The following SLC12A1 variants were observed in gnomAD, a reference collection of about 807,000 sequenced individuals.
The protein encoded by SLC12A1 is Na-K-2Cl cotransporter.
In SLC12A1, 89 loss-of-function variants were observed where a neutral mutation model predicts 130.4. The ratio of observed to expected loss-of-function variants is 0.68; its 90% confidence interval spans 0.58 to 0.81. SLC12A1 has a LOEUF of 0.81. Ranked by LOEUF, SLC12A1 falls within the 40% of genes least tolerant of loss-of-function variation. SLC12A1 has a pLI of 0.00. For synonymous variants in SLC12A1, 499 were observed against 460.0 expected, an observed-to-expected ratio of 1.08 and a Z score of -1.09; for missense variants, 1,310 against 1,336.4, an observed-to-expected ratio of 0.98 and a Z score of 0.31.
chr15:48,264,807 C>A (rs1161291981), intron 17 of SLC12A1, among the ~76,000 whole-genome samples: 1 of 152,072 alleles, frequency 6.6e-6, no homozygotes, highest in Non-Finnish European at 1.5e-5. Flanking sequence ...GGGTTGGAAC[C>A]CCTTTACAAA....
rs67628277 is a variant in SLC12A1 at position 48,266,445 on chromosome 15, C to CTT, written c.2155-1103_2155-1102dup. ...GTTTTGTCTGACCGCAAAGCCTGGG[C>CTT]TTTTTTTTTTTTTTCATGCATCCCA... On this transcript the variant is annotated intron_variant, in intron 17 of 26. Transcript: ENST00000380993. Among the ~76,000 whole-genome samples, 1,117 of 144,388 alleles carry CTT rather than the reference C, an allele frequency of 7.7e-3. 6 individuals carry two copies. The highest frequency in any genetic ancestry group is 0.01 in the Non-Finnish European group (663 of 66,280). The allele number at this position is 144,388 out of a possible 152,430, so 94.7% of individuals were successfully genotyped here.
In SLC12A1 at chr15:48,246,892, G is replaced by T; in HGVS notation, c.1453-17G>T. On this transcript the variant is annotated splice_polypyrimidine_tract_variant and intron_variant, in intron 11 of 26. Coordinates refer to ENST00000380993, the MANE Select transcript of SLC12A1 (RefSeq NM_000338.3). Reference sequence around the variant, plus strand: ...CAAATCACAGAAAGTCTCCTTACTTGTACCTCTCTTCTCAAGGTCATGAGC... The same window carrying T: ...CAAATCACAGAAAGTCTCCTTACTTTTACCTCTCTTCTCAAGGTCATGAGC... The T allele has an allele frequency of 2.5e-6, 4 of 1,575,964 alleles. No individual in the cohort carries two copies. Among genetic ancestry groups the T allele is most frequent in the Non-Finnish European group, 3.5e-6 (4 of 1,145,196 alleles).
intron 15 of SLC12A1, among the ~76,000 whole-genome samples, chr15:48,255,436 C>CAAA (rs373793834): frequency 1.2e-4 from 11 of 89,320 alleles, no homozygotes; most frequent in African/African-American, 2.3e-4. Flanking sequence ...AACTCCATCT[C>CAAA]AAAAAAAAAA....
chr15:48,297,230 G>A (rs541038318), intron 24 of SLC12A1, among the ~76,000 whole-genome samples: 7 of 152,210 alleles, frequency 4.6e-5, no homozygotes, highest in South Asian at 2.1e-4. Flanking sequence ...TGTATGTTCC[G>A]TAGGAGAGAA....
Position 48,267,718 on chromosome 15 carries a change from G to C in SLC12A1, c.2295+17G>C. ...CTTCTTCAGGTAAGGCTGCATTGAG[G>C]GAATGAGCACAGAGGCAAAAGACAA... On this transcript the variant is annotated intron_variant, in intron 18 of 26. Transcript: ENST00000380993. The C allele has an allele frequency of 1.2e-6, 2 of 1,612,526 alleles. No individual in the cohort carries two copies. The highest frequency in any genetic ancestry group is 1.7e-6 in the Non-Finnish European group (2 of 1,178,952).
intron 23 of SLC12A1, among the ~76,000 whole-genome samples, chr15:48,289,740 A>G (rs1173940626): frequency 1.3e-5 from 2 of 152,126 alleles, no homozygotes; most frequent in East Asian, 1.9e-4. Context: ...AATACAGCAT[A>G]AAAGGTAAAA....
chr15:48,296,948 CCT>C (rs1301141338), intron 24 of SLC12A1, among the ~76,000 whole-genome samples: 2 of 152,100 alleles, frequency 1.3e-5, no homozygotes, highest in Non-Finnish European at 2.9e-5. Flanking sequence ...GTTATCACCC[CCT>C]GTGTCACTTA....
chr15:48,259,245 T>C lies in SLC12A1; in HGVS notation c.2088T>C (p.Ala696=). 2 of 1,613,836 alleles carry C rather than the reference T, an allele frequency of 1.2e-6. No homozygotes were observed. Among genetic ancestry groups the C allele is most frequent in the East Asian group, 2.2e-5 (1 of 44,870 alleles). ...CAGGGGGACCCATGACAAGACCTGC[T>C]CTCCTGGACATAACTCACGCCTTTA... The part of the protein sequence containing the change: ...VLTGGPMTRP[A]LLDITHAFTK... The change falls in exon 17 of 27, where the codon GCT becomes GCC. Residue 696 remains alanine, a synonymous_variant. Coordinates refer to ENST00000380993, the MANE Select transcript of SLC12A1 (RefSeq NM_000338.3).
chr15:48,259,364 AT>A (rs1194925455), intron 17 of SLC12A1, 53 bp downstream of exon 17: 1 of 1,219,548 alleles, frequency 8.2e-7, no homozygotes, highest in African/African-American at 1.5e-5. Flanking sequence ...CTTATCTTGG[AT>A]TATTTTGGGT....
Position 48,224,987 on chromosome 15 carries a change from T to C in SLC12A1, c.629-1489T>C, listed in dbSNP as rs542690644. On this transcript the variant is annotated intron_variant, in intron 4 of 26. Transcript: ENST00000380993. ...CATTTTATTTGTGTCTTGTGTTTCT[T>C]ACATTACCTGCCACATAGCTGGATA... The C allele has an allele frequency of 3.9e-5, 6 of 152,308 alleles. No homozygotes were observed. The South Asian group carries it at 1.0e-3, about 26-fold the overall frequency. 9.4% of individuals were successfully genotyped at this position (152,308 alleles called of 1,614,324 possible).
chr15:48,290,057 G>A (rs189084420), intron 23 of SLC12A1, among the ~76,000 whole-genome samples: 7 of 152,172 alleles, frequency 4.6e-5, no homozygotes, highest in East Asian at 1.9e-4. Context: ...AGCTTAAAAC[G>A]TATTGTACAG....
intron 15 of SLC12A1, among the ~76,000 whole-genome samples, chr15:48,252,395 G>T (rs1026504659): frequency 6.6e-6 from 1 of 152,130 alleles, no homozygotes; most frequent in African/African-American, 2.4e-5. Flanking sequence ...ACCAGAATGT[G>T]TATGATACCA....
chr15:48,295,256 T>C (rs557041685), intron 24 of SLC12A1, among the ~76,000 whole-genome samples: 28 of 152,292 alleles, frequency 1.8e-4, no homozygotes, highest in Non-Finnish European at 3.7e-4. Flanking sequence ...GTTGGTCTTA[T>C]ACTTAGCTAA....
At chr15:48,236,525 G>A (rs892949863) in intron 9 of SLC12A1, among the ~76,000 whole-genome samples, 1 of 152,176 alleles carries the variant, frequency 6.6e-6, no homozygotes, top group Non-Finnish European at 1.5e-5. Context: ...TGAGCCAGAG[G>A]TGCTTGCCCT....
chr15:48,241,711 T>C, intron 10 of SLC12A1, 112 bp downstream of exon 10: 1 of 761,162 alleles, frequency 1.3e-6, no homozygotes, highest in South Asian at 1.6e-5. Context: ...AAGGCAACAA[T>C]TTTAATTCCG....
rs886051215 is a variant in SLC12A1, at chr15:48,299,158, G to A, written c.2979G>A (p.Glu993=). Residue 993 remains glutamate (E), a synonymous_variant, in exon 25 of 27, where the codon GAG becomes GAA. Coordinates refer to ENST00000380993, the MANE Select transcript of SLC12A1 (RefSeq NM_000338.3). ...PNKESWKVFE[E]MIEPYRLHES... The stretch of plus-strand genomic sequence containing the variant: ...ATTTTAGCTGGAAAGTCTTTGAAGA[G>A]ATGATTGAACCATATCGTCTCCATG... 1.2e-6 allele frequency: 2 copies of A among 1,603,330 alleles called. No individual in the cohort carries two copies. Among genetic ancestry groups the A allele is most frequent in the Non-Finnish European group, 1.7e-6 (2 of 1,176,978 alleles).
At chr15:48,252,699 T>C (rs2041661698) in intron 15 of SLC12A1, among the ~76,000 whole-genome samples, 1 of 150,976 alleles carries the variant, frequency 6.6e-6, no homozygotes, top group Non-Finnish European at 1.5e-5. Flanking sequence ...ATGAGGGGTT[T>C]TTTAAATTAA....
Position 48,251,761 on chromosome 15 carries a change from A to C in SLC12A1, c.1933A>C (p.Lys645Gln), listed in dbSNP as rs1300114497. Reference sequence around the variant, plus strand: ...CTTCCTTTACGTCTATGTGACTTGTAAGAAGCCAGGTAAGATAATGACTGT... The same window carrying C: ...CTTCCTTTACGTCTATGTGACTTGTCAGAAGCCAGGTAAGATAATGACTGT... ...EFFLYVYVTC[K>Q]KPDVNWGSST... The change falls in exon 15 of 27, where the codon AAG becomes CAG. Residue 645 changes from lysine to glutamine, a missense_variant. Physicochemically the swap from Lys to Gln is moderately conservative, Grantham distance 53. Coordinates refer to ENST00000380993, the MANE Select transcript of SLC12A1 (RefSeq NM_000338.3). 6.2e-7 allele frequency: 1 copy of C among 1,613,786 alleles called. No homozygotes were observed. The highest frequency in any genetic ancestry group is 8.5e-7 in the Non-Finnish European group (1 of 1,179,768).
chr15:48,260,421 A>G (rs2041762097), intron 17 of SLC12A1, among the ~76,000 whole-genome samples: 2 of 151,130 alleles, frequency 1.3e-5, no homozygotes, highest in Admixed American at 6.6e-5. Context: ...TTTTTATAGT[A>G]CTTAAGTACT....
Sources: allele counts gnomAD v4.1 joint callset (sites outside exome capture counted in the v4.1 genomes callset), GRCh38; gene constraint gnomAD v4.1.1; transcripts MANE v1.5; gene names NCBI Gene and HGNC (gene_info 2026-07-23, HGNC 2026-07-21).